KMT2D: variants seen among roughly 807,000 people sequenced by gnomAD.
The protein encoded by KMT2D is histone-lysine N-methyltransferase 2D.
Under a neutral mutation model 512.7 loss-of-function variants are expected in KMT2D, and 55 were observed. The ratio of observed to expected loss-of-function variants is 0.11; its 90% CI spans 0.09 to 0.13. The LOEUF (loss-of-function observed/expected upper bound fraction) is 0.13, where lower values mean the gene tolerates loss of function less well. Ranked by LOEUF, KMT2D falls within the 10% of genes least tolerant of loss-of-function variation. The pLI is 1.00. For synonymous variants in KMT2D, 2,995 were observed against 2,904.0 expected (o/e 1.03, Z -1.01); for missense variants, 6,061 against 7,127.9 (o/e 0.85, Z 5.39).
rs587783726 is a variant in KMT2D at position 49,040,926 on chromosome 12, G to T, written c.6844C>A (p.Arg2282=). Reference sequence around the variant, plus strand: ...TCCTTCTTCACCTCTAGGGCCTTCCGGGACTCCCCAAAAGGTGGGGGCGAG... The same window carrying T: ...TCCTTCTTCACCTCTAGGGCCTTCCTGGACTCCCCAAAAGGTGGGGGCGAG... ...LLSPPPFGES[R]KALEVKKEEL... is the part of the protein sequence containing the mutation. The change falls in exon 32 of 55, where the codon CGG becomes AGG. Residue 2282 remains arginine, a synonymous_variant. Coordinates refer to ENST00000301067, the MANE Select transcript of KMT2D (RefSeq NM_003482.4). The T allele has an allele frequency of 6.2e-7, 1 of 1,613,734 alleles. No homozygotes were observed. Among genetic ancestry groups the T allele is most frequent in the Admixed American group, 1.7e-5 (1 of 59,990 alleles).
chr12:49,034,965 C>T lies in KMT2D; in HGVS notation c.10232-30G>A, dbSNP rs751708885. ...AGAGGGGAGAACCAAGTGAGCTGGG[C>T]TATGGGGCCAATGCTCCAGTGAATA... On this transcript the variant is annotated intron_variant, in intron 35 of 54. Transcript: ENST00000301067. 1.9e-6 allele frequency: 3 copies of T among 1,612,562 alleles called. No homozygotes were observed. The South Asian group carries it at 3.3e-5, about 18-fold the overall frequency.
rs1417070634 is a variant in KMT2D at position 49,052,662 on chromosome 12, G to C, written c.1160C>G (p.Ala387Gly). 1.9e-6 allele frequency: 3 copies of C among 1,613,642 alleles called. No individual in the cohort carries two copies. The highest frequency in any genetic ancestry group is 2.5e-6 in the Non-Finnish European group (3 of 1,179,756). The change falls in exon 10 of 55, where the codon GCT becomes GGT. Residue 387 changes from alanine to glycine, a missense_variant. Ala to Gly is a moderately conservative substitution (Grantham distance 60). Coordinates refer to ENST00000301067, the MANE Select transcript of KMT2D (RefSeq NM_003482.4). ...PGDTPTDEPD[A>G]LYVACQGQPK... Reference sequence around the variant, plus strand: ...CTGCCCTTGGCATGCAACGTACAGAGCATCGGGCTCGTCAGTGGGGGTATC... The same window carrying C: ...CTGCCCTTGGCATGCAACGTACAGACCATCGGGCTCGTCAGTGGGGGTATC...
chr12:49,045,816 T>A, intron 19 of KMT2D, 104 bp downstream of exon 19: 1 of 1,025,958 alleles, frequency 9.7e-7, no homozygotes. Context: ...TGGGTCTGAG[T>A]TTCCTCCTCT....
At chr12:49,034,548 A>C in intron 37 of KMT2D, 34 bp downstream of exon 37, 1 of 1,612,432 alleles carries the variant, frequency 6.2e-7, no homozygotes. Flanking sequence ...CAGTGGCATA[A>C]GACACAAGTT....
Position 49,041,100 on chromosome 12 carries a change from C to T in KMT2D, c.6670G>A (p.Gly2224Arg), listed in dbSNP as rs867930525. ...CCAGGTGGGGTAGTGTGGAATTCCC[C>T]TGGCTGGCCAGCCCCAGGACGAGAT... Reference protein sequence around the residue: ...ASSRPGAGQPGEFHTTPPGTP... With the variant: ...ASSRPGAGQPREFHTTPPGTP... Residue 2224 changes from glycine (G) to arginine (R), a missense_variant, in exon 32 of 55, where the codon GGG becomes AGG. Physicochemically the swap from Gly to Arg is moderately radical, Grantham distance 125. Transcript: ENST00000301067. This position sits in a 1 kb window ranked among gnomAD's most constrained non-coding sequence, Gnocchi z 5.4. 6.5e-7 allele frequency: 1 copy of T among 1,531,882 alleles called. No homozygotes were observed. Among genetic ancestry groups the T allele is most frequent in the African/African-American group, 1.4e-5 (1 of 72,090 alleles). 94.9% of individuals were successfully genotyped at this position (1,531,882 alleles called of 1,614,324 possible). A position where few individuals can be genotyped will look rare whatever the true frequency, so the allele number is the denominator to read the frequency against.
In KMT2D at chr12:49,019,254, T is replaced by C. The variant is rs1942179167; in HGVS notation, c.*2526A>G. ...CACGGGATTCACACTTGTCAGCGAT[T>C]TATTTTTTAAAAAGGGGGAGGGTCC... On this transcript the variant is annotated 3_prime_UTR_variant, in exon 55 of 55. Transcript: ENST00000301067. The C allele has an allele frequency of 2.4e-6, 2 of 830,430 alleles. No individual in the cohort carries two copies. The highest frequency in any genetic ancestry group is 3.0e-6 in the Non-Finnish European group (2 of 666,192). The allele number at this position is 830,430 out of a possible 1,614,324, so 51.4% of individuals were successfully genotyped here. A position where few individuals can be genotyped will look rare whatever the true frequency, so the allele number is the denominator to read the frequency against.
chr12:49,039,116 G>T lies in KMT2D; in HGVS notation c.8366+106C>A. On this transcript the variant is annotated intron_variant, in intron 34 of 54. Transcript: ENST00000301067. The surrounding 1 kb of genome is among the most constrained non-coding windows in gnomAD (Gnocchi z 5.0). ...GAAAAGGAATGAGGAAGAAGAGAAA[G>T]TGATACTGGAAAAGGATTAGTGATA... The T allele has an allele frequency of 6.6e-7, 1 of 1,526,662 alleles. No individual in the cohort carries two copies. The highest frequency in any genetic ancestry group is 9.0e-7 in the Non-Finnish European group (1 of 1,107,466). 94.6% of individuals were successfully genotyped at this position (1,526,662 alleles called of 1,614,324 possible). A position where few individuals can be genotyped will look rare whatever the true frequency, so the allele number is the denominator to read the frequency against.
Position 49,060,560 on chromosome 12 carries a change from G to A in KMT2D, c.-985C>T, listed in dbSNP as rs1938690806. Among the ~76,000 whole-genome samples the A allele has an allele frequency of 6.6e-6, 1 of 152,214 alleles. No homozygotes were observed. The highest frequency in any genetic ancestry group is 2.1e-4 in the South Asian group (1 of 4,832). On this transcript the variant is annotated 5_prime_UTR_variant, in exon 1 of 55. Transcript: ENST00000301067. ...GGAACGAGGCAGCCATTTGCAACCG[G>A]AGAGGAAAGTAGTGCAGCGCGGCGC...
rs2120678811 is a variant in KMT2D, at chr12:49,051,916, G to A, written c.1767C>T (p.Pro589=). 6.2e-7 allele frequency: 1 copy of A among 1,612,784 alleles called. No homozygotes were observed. ...GAGATGCCTCCGGTGGTGGAGACAT[G>A]GGTGACTCTTCAGGTGGAGGGGACA... ...SPMSPPPEES[P]MSPPPEASRL... The change falls in exon 11 of 55, where the codon CCC becomes CCT. Residue 589 remains proline, a synonymous_variant. Transcript: ENST00000301067.
intron 10 of KMT2D, 52 bp from the exon 11 acceptor site, chr12:49,052,476 A>G (rs2120688288): frequency 3.2e-6 from 5 of 1,548,424 alleles, no homozygotes; most frequent in South Asian, 1.2e-5. Flanking sequence ...TACTCCACAG[A>G]AAGTGTGGGG....
rs757394752 is a variant in KMT2D at position 49,033,545 on chromosome 12, C to G, written c.11160G>C (p.Gln3720His). The stretch of plus-strand genomic sequence containing the variant: ...GCATACGTTGCTGCTGCAGCTGCAG[C>G]TGCCTTTCCTGTAAAAGCCTTGAAT... ...GPDSRLLQER[Q>H]LQLQQQRMQL... is the part of the protein sequence containing the mutation. Residue 3720 changes from glutamine to histidine, a missense_variant, in exon 40 of 55, where the codon CAG (glutamine) becomes CAC (histidine). Physicochemically the swap from Gln to His is conservative, Grantham distance 24 (BLOSUM62 0). Coordinates refer to ENST00000301067, the MANE Select transcript of KMT2D (RefSeq NM_003482.4). 8 of 1,613,612 alleles carry G rather than the reference C, an allele frequency of 5.0e-6. No homozygotes were observed. The highest frequency in any genetic ancestry group is 1.6e-4 in the Middle Eastern group (1 of 6,062).
chr12:49,046,491 C>G lies in KMT2D; in HGVS notation c.4419-67G>C, dbSNP rs1024396142. On this transcript the variant is annotated intron_variant, in intron 16 of 54. Coordinates refer to ENST00000301067, the MANE Select transcript of KMT2D (RefSeq NM_003482.4). This position sits in a 1 kb window ranked among gnomAD's most constrained non-coding sequence, Gnocchi z 4.2. ...CCGAAGTACCCAGAAGTCCCCTCAC[C>G]GGAAACCCAAGCCACCAGCCTGGCC... The G allele has an allele frequency of 5.0e-6, 8 of 1,591,034 alleles. No individual in the cohort carries two copies. Among genetic ancestry groups the G allele is most frequent in the African/African-American group, 4.0e-5 (3 of 74,442 alleles).
intron 51 of KMT2D, 142 bp from the exon 52 acceptor site, chr12:49,023,017 G>A: frequency 1.1e-6 from 1 of 927,314 alleles, no homozygotes; most frequent in South Asian, 1.9e-5. Flanking sequence ...TGCAGCCTTG[G>A]GAAAGGAGTA....
At position 49,041,293 on chromosome 12, in the gene KMT2D, G is replaced by A. The variant is rs774164988; in HGVS notation, c.6477C>T (p.Leu2159=). 8.3e-5 allele frequency: 127 copies of A among 1,525,482 alleles called. No homozygotes were observed. Among genetic ancestry groups the A allele is most frequent in the Non-Finnish European group, 1.1e-4 (122 of 1,139,718 alleles). The allele number at this position is 1,525,482 out of a possible 1,614,324, so 94.5% of individuals were successfully genotyped here. The stretch of plus-strand genomic sequence containing the variant: ...GCACCTGGGGTGGGAGCTTGAGGAA[G>A]AGCTCACCAGGCGAGTCAGGGCCAG... ...SVPGPDSPGE[L]FLKLPPQVPA... The change falls in exon 32 of 55, where the codon CTC becomes CTT. Residue 2159 remains leucine (L), a synonymous_variant. Transcript: ENST00000301067. The surrounding 1 kb of genome is among the most constrained non-coding windows in gnomAD (Gnocchi z 5.4).
In KMT2D at chr12:49,033,040, G is replaced by A; in HGVS notation, c.11665C>T (p.Leu3889=). The A allele has an allele frequency of 2.6e-6, 4 of 1,551,640 alleles. No homozygotes were observed. The highest frequency in any genetic ancestry group is 3.5e-6 in the Non-Finnish European group (4 of 1,146,976). ...AAAGAGCCCATGGGCTGAGCGCTCA[G>A]TTTGGGCTGCCCACTGTGTGACATC... ...SLMSHSGQPK[L]SAQPMGSLQQ... is the part of the protein sequence containing the mutation. The change falls in exon 40 of 55, where the codon CTG becomes TTG. Residue 3889 remains leucine, a synonymous_variant. Transcript: ENST00000301067.
At position 49,041,668 on chromosome 12, in the gene KMT2D, T is replaced by C. The variant is rs1216890073; in HGVS notation, c.6221A>G (p.Asn2074Ser). ...AKDNRAAHRINKVQKQAESQI... is the reference protein window; with the variant it reads ...AKDNRAAHRISKVQKQAESQI... ...AGCCCCACTCACCTTCTGCACCTTG[T>C]TGATGCGGTGAGCTGCCCGGTTATC... Residue 2074 changes from asparagine (N) to serine (S), a missense_variant, in exon 31 of 55, where the codon AAC (asparagine) becomes AGC (serine). By Grantham distance (46) the Asn-to-Ser change is conservative. This residue lies in a region of KMT2D where 640 missense variants were observed against 814.3 expected (regional missense o/e 0.79). Coordinates refer to ENST00000301067, the MANE Select transcript of KMT2D (RefSeq NM_003482.4). The surrounding 1 kb of genome is among the most constrained non-coding windows in gnomAD (Gnocchi z 5.4). The C allele has an allele frequency of 1.9e-6, 3 of 1,613,210 alleles. No homozygotes were observed. The highest frequency in any genetic ancestry group is 1.7e-5 in the Admixed American group (1 of 59,884).
chr12:49,033,308 C>T lies in KMT2D; in HGVS notation c.11397G>A (p.Gln3799=), dbSNP rs751118917. Reference sequence around the variant, plus strand: ...CCACCTGGGCAGGGCCCAGCATGCCCTGGGGCCCCTGGGGTGGTTGAGGGG... The same window carrying T: ...CCACCTGGGCAGGGCCCAGCATGCCTTGGGGCCCCTGGGGTGGTTGAGGGG... ...QLSPQPPQGP[Q]GMLGPAQVAV... The change falls in exon 40 of 55, where the codon CAG becomes CAA. Residue 3799 remains glutamine, a synonymous_variant. Transcript: ENST00000301067. The T allele has an allele frequency of 1.9e-5, 31 of 1,590,522 alleles. No homozygotes were observed. The highest frequency in any genetic ancestry group is 2.7e-5 in the Non-Finnish European group (31 of 1,168,806).
chr12:49,047,108 A>G (rs1171539702), intron 15 of KMT2D, among the ~76,000 whole-genome samples: 4 of 152,060 alleles, frequency 2.6e-5, no homozygotes, highest in Non-Finnish European at 4.4e-5. Flanking sequence ...ACCCTCCCGA[A>G]GTAAAGTGCT....
chr12:49,043,050 CAA>C, intron 26 of KMT2D, 24 bp downstream of exon 26: 1 of 1,596,796 alleles, frequency 6.3e-7, no homozygotes, highest in Non-Finnish European at 8.6e-7. Flanking sequence ...CCCTTATACA[CAA>C]AGAGGTACGG....
Sources: allele counts gnomAD v4.1 joint callset (sites outside exome capture counted in the v4.1 genomes callset), GRCh38; gene constraint gnomAD v4.1.1; regional missense constraint gnomAD v4.1.1; non-coding constraint Gnocchi (gnomAD v3.1); transcripts MANE v1.5; gene names NCBI Gene and HGNC (gene_info 2026-07-23, HGNC 2026-07-21).